WDHD1: variants seen among roughly 807,000 people sequenced by gnomAD.
WDHD1 encodes WD repeat and HMG-box DNA binding protein 1, also known as WD repeat and HMG-box DNA-binding protein 1.
Under a neutral mutation model 135.4 loss-of-function variants are expected in WDHD1, and 111 were observed. The observed-to-expected ratio is 0.82, with a 90% CI of 0.70 to 0.96. The LOEUF (loss-of-function observed/expected upper bound fraction) is 0.96, where lower values mean the gene tolerates loss of function less well. Ranked by LOEUF, WDHD1 falls within the 40% of genes least tolerant of loss-of-function variation. The probability of loss-of-function intolerance (pLI) is 0.00; values close to 1 mark genes in which losing one functional copy is unlikely to be tolerated. For synonymous variants in WDHD1, 434 were observed against 439.0 expected, an observed-to-expected ratio of 0.99 and a Z score of 0.14; for missense variants, 1,351 against 1,336.3, an observed-to-expected ratio of 1.01 and a Z score of -0.17.
In WDHD1 at chr14:54,981,660, C is replaced by G; in HGVS notation, c.1943G>C (p.Arg648Pro). 1 of 1,611,200 alleles carries G rather than the reference C, an allele frequency of 6.2e-7. No individual in the cohort carries two copies. Among genetic ancestry groups the G allele is most frequent in the Non-Finnish European group, 8.5e-7 (1 of 1,177,812 alleles). ...ATTACCAAGTCCTCTGTTAAGCATT[C>G]GAACAATTCCTTCTGAATCCACGTA... The part of the protein sequence containing the change: ...PCYVDSEGIV[R>P]MLNRGLGNTW... Residue 648 changes from arginine to proline, a missense_variant, in exon 16 of 26, where the codon CGA (arginine) becomes CCA (proline). Arg to Pro is a moderately radical substitution (Grantham distance 103, BLOSUM62 -2). Transcript: ENST00000360586.
rs2041672283 is a variant in WDHD1 at position 54,984,836 on chromosome 14, C to T, written c.1793G>A (p.Cys598Tyr). The T allele has an allele frequency of 6.2e-7, 1 of 1,612,538 alleles. No homozygotes were observed. Residue 598 changes from cysteine (C) to tyrosine (Y), a missense_variant, in exon 15 of 26, where the codon TGC (cysteine) becomes TAC (tyrosine). Physicochemically the swap from Cys to Tyr is radical, Grantham distance 194 (BLOSUM62 -2). Transcript: ENST00000360586. ...CAGCTCTAGCAGTTGAACTCCAAGG[C>T]ACTGATCCCCATCAAATCCTGTACC... Reference protein sequence around the residue: ...HRGTGFDGDQCLGVQLLELGK... With the variant: ...HRGTGFDGDQYLGVQLLELGK...
intron 23 of WDHD1, among the ~76,000 whole-genome samples, chr14:54,956,551 T>C (rs1213933478): frequency 6.6e-6 from 1 of 152,106 alleles, no homozygotes; most frequent in Non-Finnish European, 1.5e-5. Context: ...GGCATGAGAA[T>C]TGCTTGAACC....
chr14:54,957,689 G>C, intron 21 of WDHD1, 54 bp from the exon 22 acceptor site: 1 of 1,435,452 alleles, frequency 7.0e-7, no homozygotes, highest in Non-Finnish European at 9.6e-7. Context: ...GATGACTTCT[G>C]ACATCTATAA....
At position 55,010,309 on chromosome 14, in the gene WDHD1, C is replaced by T; in HGVS notation, c.341G>A (p.Ser114Asn). 2 of 1,597,508 alleles carry T rather than the reference C, an allele frequency of 1.3e-6. No individual in the cohort carries two copies. The highest frequency in any genetic ancestry group is 1.7e-4 in the Middle Eastern group (1 of 5,958). The change falls in exon 4 of 26, where the codon AGT (serine) becomes AAT (asparagine). Residue 114 changes from serine to asparagine, a missense_variant and splice_region_variant. By Grantham distance (46) the Ser-to-Asn change is conservative (BLOSUM62 1). Coordinates refer to ENST00000360586, the MANE Select transcript of WDHD1 (RefSeq NM_007086.4). ...CTTTTCTGATGTCAAAGAGCCTTAC[C>T]TAGATCCAGCAGCAATTTTAGTACC... Reference protein sequence around the residue: ...GDGTKIAAGSSDFLVKIVDVM... With the variant: ...GDGTKIAAGSNDFLVKIVDVM...
intron 2 of WDHD1, among the ~76,000 whole-genome samples, chr14:55,016,233 G>A (rs931095428): frequency 6.6e-6 from 1 of 151,964 alleles, no homozygotes; most frequent in South Asian, 2.1e-4. Context: ...TAATTTTATT[G>A]ATTGCTATGC....
chr14:55,004,423 A>G (rs535695395), intron 7 of WDHD1, among the ~76,000 whole-genome samples: 1 of 152,124 alleles, frequency 6.6e-6, no homozygotes, highest in East Asian at 1.9e-4. Context: ...CATTTTCCAC[A>G]TGGACTTTCC....
Position 55,000,602 on chromosome 14 carries a change from C to G in WDHD1, c.843G>C (p.Trp281Cys), listed in dbSNP as rs1188172408. Reference sequence around the variant, plus strand: ...ACGATATTCGACCACAAGTAGGATGCCATGCCAGACCACAAATTGCATAAC... The same window carrying G: ...ACGATATTCGACCACAAGTAGGATGGCATGCCAGACCACAAATTGCATAAC... ...EKGYAICGLA[W>C]HPTCGRISYT... is the part of the protein sequence containing the mutation. The change falls in exon 10 of 26, where the codon TGG (tryptophan) becomes TGC (cysteine). Residue 281 changes from tryptophan (W) to cysteine (C), a missense_variant. This residue lies in a region of WDHD1 where 1,330 missense variants were observed against 1,296.1 expected (regional missense o/e 1.03). Coordinates refer to ENST00000360586, the MANE Select transcript of WDHD1 (RefSeq NM_007086.4). 1 of 1,600,898 alleles carries G rather than the reference C, an allele frequency of 6.2e-7. No homozygotes were observed. The highest frequency in any genetic ancestry group is 1.3e-5 in the African/African-American group (1 of 74,522).
chr14:54,977,771 C>T (rs569304506), intron 16 of WDHD1, among the ~76,000 whole-genome samples: 3 of 152,242 alleles, frequency 2.0e-5, no homozygotes, highest in South Asian at 4.1e-4. Context: ...CTGTAATTTA[C>T]AGTCCATTAT....
In WDHD1 at chr14:55,008,683, G is replaced by A; in HGVS notation, c.378C>T (p.Ser126=). The part of the protein sequence containing the change: ...FLVKIVDVMD[S]SQQKTFRGHD... ...GTCCTCGAAATGTTTTCTGTTGGCT[G>A]CTATCCATCACATCCACAATTTTGA... The change falls in exon 5 of 26, where the codon AGC becomes AGT. Residue 126 remains serine (S), a synonymous_variant. Coordinates refer to ENST00000360586, the MANE Select transcript of WDHD1 (RefSeq NM_007086.4). 6.2e-7 allele frequency: 1 copy of A among 1,613,246 alleles called. No homozygotes were observed. The highest frequency in any genetic ancestry group is 8.5e-7 in the Non-Finnish European group (1 of 1,179,790).
chr14:54,981,780 G>C, intron 15 of WDHD1, 84 bp from the exon 16 acceptor site: 1 of 791,964 alleles, frequency 1.3e-6, no homozygotes, highest in Non-Finnish European at 1.9e-6. Context: ...TACATACCAA[G>C]GATTCAACTT....
intron 7 of WDHD1, chr14:55,005,473 G>T: frequency 1.8e-6 from 1 of 565,644 alleles, no homozygotes; most frequent in South Asian, 1.4e-5. Flanking sequence ...CACTGACATT[G>T]AAAGAGTTTT....
chr14:54,953,781 A>G (rs1156356864), intron 24 of WDHD1, among the ~76,000 whole-genome samples: 1 of 152,332 alleles, frequency 6.6e-6, no homozygotes, highest in East Asian at 1.9e-4. Context: ...ACCATGGAAT[A>G]CTATACAGCC....
chr14:55,005,491 A>G (rs1450532562), intron 7 of WDHD1: 1 of 566,326 alleles, frequency 1.8e-6, no homozygotes, highest in Non-Finnish European at 3.4e-6. Flanking sequence ...TTTCAACAGC[A>G]ACAATGGCAC....
chr14:54,948,066 T>G (rs1269138390), intron 24 of WDHD1, among the ~76,000 whole-genome samples: 2 of 151,774 alleles, frequency 1.3e-5, no homozygotes, highest in East Asian at 3.9e-4. Flanking sequence ...AGATACAAAA[T>G]TAAGCGGTTC....
intron 7 of WDHD1, among the ~76,000 whole-genome samples, chr14:55,006,577 G>A (rs1172965179): frequency 6.6e-6 from 1 of 151,974 alleles, no homozygotes; most frequent in East Asian, 1.9e-4. Context: ...CATTTCCTTT[G>A]CAAATAATGA....
chr14:54,944,952 G>A (rs1298645103), intron 24 of WDHD1, among the ~76,000 whole-genome samples: 1 of 152,062 alleles, frequency 6.6e-6, no homozygotes, highest in Non-Finnish European at 1.5e-5. Context: ...TCAATGAACT[G>A]GAAAATCCTT....
rs1193032587 is a variant in WDHD1, at chr14:54,941,200, C to T, written c.*290G>A. ...TAATACCTTGGCTTTAATGATTTTT[C>T]AAGGTTAAGAAACAAATTCAAATTG... is the stretch of plus-strand genomic sequence containing the variant. On this transcript the variant is annotated 3_prime_UTR_variant, in exon 26 of 26. Coordinates refer to ENST00000360586, the MANE Select transcript of WDHD1 (RefSeq NM_007086.4). The T allele has an allele frequency of 8.5e-6, 2 of 234,392 alleles. No individual in the cohort carries two copies. Among genetic ancestry groups the T allele is most frequent in the Non-Finnish European group, 1.6e-5 (2 of 122,072 alleles). The allele number at this position is 234,392 out of a possible 1,614,324, so 14.5% of individuals were successfully genotyped here.
Position 54,940,263 on chromosome 14 carries a change from A to G in WDHD1, c.*1227T>C, listed in dbSNP as rs372319466. The G allele has an allele frequency of 1.3e-5, 2 of 152,190 alleles. No homozygotes were observed. The highest frequency in any genetic ancestry group is 4.8e-5 in the African/African-American group (2 of 41,448). The allele number at this position is 152,190 out of a possible 1,614,324, so 9.4% of individuals were successfully genotyped here. Reference sequence around the variant, plus strand: ...CCCAACTATTAGTAGTAGGTAGAGAAGCGGGTCTCCGAACCTAGGTAATCT... The same window carrying G: ...CCCAACTATTAGTAGTAGGTAGAGAGGCGGGTCTCCGAACCTAGGTAATCT... On this transcript the variant is annotated 3_prime_UTR_variant, in exon 26 of 26. Transcript: ENST00000360586.
At chr14:55,011,568 T>A (rs1190769622) in intron 3 of WDHD1, among the ~76,000 whole-genome samples, 1 of 131,432 alleles carries the variant, frequency 7.6e-6, no homozygotes, top group African/African-American at 2.8e-5. Flanking sequence ...GAGCAGAGGG[T>A]GAGTTCCTTA....
Sources: gnomAD v4.1 joint callset for allele counts (sites outside exome capture counted in the v4.1 genomes callset) on GRCh38, gnomAD v4.1.1 for gene constraint, gnomAD v4.1.1 regional missense constraint, MANE v1.5 for transcripts, NCBI Gene and HGNC (gene_info 2026-07-23, HGNC 2026-07-21) for gene names.